The following EPB41L5 variants were observed in gnomAD, a reference collection of about 807,000 sequenced individuals.
EPB41L5 encodes the protein band 4.1-like protein 5.
EPB41L5 carries 55 observed loss-of-function variants against 106.6 expected under a neutral mutation model. The ratio of observed to expected loss-of-function variants is 0.52; its 90% confidence interval spans 0.42 to 0.65. The LOEUF (loss-of-function observed/expected upper bound fraction) is 0.65. Among genes scored for constraint, EPB41L5 ranks in the 30% least tolerant of loss-of-function variants. The pLI is 0.00. For missense variants in EPB41L5, 871 were observed against 882.1 expected (o/e 0.99, Z 0.16); for synonymous variants, 297 against 306.7 (o/e 0.97, Z 0.33).
intron 20 of EPB41L5, among the ~76,000 whole-genome samples, chr2:120,150,151 C>T (rs1472599504): frequency 6.6e-6 from 1 of 152,092 alleles, no homozygotes; most frequent in African/African-American, 2.4e-5. Flanking sequence ...CCCATCCCAG[C>T]CTTCCAAAGT....
intron 2 of EPB41L5, among the ~76,000 whole-genome samples, chr2:120,031,643 A>G (rs1678716424): frequency 6.6e-6 from 1 of 152,200 alleles, no homozygotes; most frequent in Non-Finnish European, 1.5e-5. Flanking sequence ...AAGATCTCAC[A>G]TCCATATTCT....
intron 16 of EPB41L5, chr2:120,103,999 A>G (rs1406179774): frequency 1.2e-5 from 17 of 1,450,472 alleles, no homozygotes; most frequent in South Asian, 1.5e-5. Context: ...TCTCTTACAC[A>G]TCCATTTTCT....
At chr2:120,164,373 C>T (rs892774451) in intron 21 of EPB41L5, among the ~76,000 whole-genome samples, 2 of 151,890 alleles carry the variant, frequency 1.3e-5, no homozygotes, top group Non-Finnish European at 2.9e-5. Context: ...TGCTACTGTG[C>T]CCAGCTTAGC....
Position 120,074,190 on chromosome 2 carries a change from A to G in EPB41L5, c.407+12A>G, listed in dbSNP as rs369082871. On this transcript the variant is annotated intron_variant, in intron 5 of 24. Transcript: ENST00000263713. Reference sequence around the variant, plus strand: ...GAGGAGCTAACCCGGTAAGAACACCATCTAGAATTGTGCCAGGGTTATTTT... The same window carrying G: ...GAGGAGCTAACCCGGTAAGAACACCGTCTAGAATTGTGCCAGGGTTATTTT... 63 of 1,593,644 alleles carry G rather than the reference A, an allele frequency of 4.0e-5. No individual in the cohort carries two copies. The highest frequency in any genetic ancestry group is 4.7e-5 in the Non-Finnish European group (55 of 1,164,954).
At chr2:120,070,075 T>C (rs1357080848) in intron 3 of EPB41L5, among the ~76,000 whole-genome samples, 4 of 152,196 alleles carry the variant, frequency 2.6e-5, no homozygotes, top group South Asian at 2.1e-4. Flanking sequence ...ACAAAATAGA[T>C]AGACCACTAG....
At chr2:120,172,253 G>T (rs1003676219) in intron 24 of EPB41L5, among the ~76,000 whole-genome samples, 5 of 152,130 alleles carry the variant, frequency 3.3e-5, no homozygotes, top group Non-Finnish European at 7.3e-5. Context: ...GGAATCAAGC[G>T]TTCTCAGAAC....
intron 17 of EPB41L5, 43 bp from the exon 18 acceptor site, chr2:120,131,575 C>T (rs778699005): frequency 1.6e-5 from 23 of 1,419,286 alleles, no homozygotes; most frequent in East Asian, 4.5e-5. Flanking sequence ...GCTGTGACAG[C>T]CTGGCAGACT....
intron 2 of EPB41L5, among the ~76,000 whole-genome samples, chr2:120,026,744 A>C (rs926194899): frequency 6.6e-6 from 1 of 152,232 alleles, no homozygotes; most frequent in Non-Finnish European, 1.5e-5. Context: ...ACTTCATCAA[A>C]ATGAAAAATT....
chr2:120,032,570 A>G (rs963457639), intron 2 of EPB41L5, among the ~76,000 whole-genome samples: 1 of 152,182 alleles, frequency 6.6e-6, no homozygotes, highest in Non-Finnish European at 1.5e-5. Flanking sequence ...ATCACAGTCC[A>G]TTGGCAGCTT....
rs77526133 is a variant in EPB41L5, at chr2:120,044,617, A to T, written c.285+2507A>T. ...TATTTAAGTAACTGTGGAAAGAAAC[A>T]TGCAGTCATTACTAAGTTGTATTAT... is the stretch of plus-strand genomic sequence containing the variant. On this transcript the variant is annotated intron_variant, in intron 3 of 24. Transcript: ENST00000263713. Among the ~76,000 whole-genome samples the T allele has an allele frequency of 0.012, 1,776 of 152,346 alleles. 70 individuals carry two copies. The East Asian group carries it at 0.12, about 10-fold the overall frequency.
At chr2:120,122,929 GT>G (rs909867329) in intron 16 of EPB41L5, among the ~76,000 whole-genome samples, 6 of 152,224 alleles carry the variant, frequency 3.9e-5, no homozygotes, top group Admixed American at 2.0e-4. Flanking sequence ...TGAAGCAATT[GT>G]GAATGGGAGT....
In EPB41L5 at chr2:120,075,729, C is replaced by A. The variant is rs1340041325; in HGVS notation, c.481C>A (p.Gln161Lys). The A allele has an allele frequency of 6.2e-7, 1 of 1,613,474 alleles. No homozygotes were observed. The highest frequency in any genetic ancestry group is 8.5e-7 in the Non-Finnish European group (1 of 1,179,600). Residue 161 changes from glutamine (Q) to lysine (K), a missense_variant, in exon 7 of 25, where the codon CAA (glutamine) becomes AAA (lysine). Physicochemically the swap from Gln to Lys is moderately conservative, Grantham distance 53. Coordinates refer to ENST00000263713, the MANE Select transcript of EPB41L5 (RefSeq NM_020909.4). The stretch of plus-strand genomic sequence containing the variant: ...AGACTGTCCCTTTGATACAGCAGTG[C>A]AATTGGCAGCTTATAATCTGCAAGG... Reference protein sequence around the residue: ...KLDCPFDTAVQLAAYNLQAEL... With the variant: ...KLDCPFDTAVKLAAYNLQAEL...
chr2:120,113,328 A>G (rs1011297817), intron 16 of EPB41L5, among the ~76,000 whole-genome samples: 3 of 152,234 alleles, frequency 2.0e-5, no homozygotes, highest in African/African-American at 4.8e-5. Flanking sequence ...TTTCTTAGCT[A>G]TCATTCACAA....
At chr2:120,047,247 T>C (rs149332782) in intron 3 of EPB41L5, among the ~76,000 whole-genome samples, 9,224 of 152,282 alleles carry the variant, frequency 0.061, 369 homozygotes, top group African/African-American at 0.11. Flanking sequence ...TAAATTGCCT[T>C]GGGCAGTATG....
chr2:120,020,250 T>C (rs1677832056), intron 2 of EPB41L5, among the ~76,000 whole-genome samples: 1 of 152,228 alleles, frequency 6.6e-6, no homozygotes, highest in Admixed American at 6.5e-5. Context: ...GGCAAAGTGA[T>C]AGCCTACGTG....
At chr2:120,156,796 C>G (rs1199145101) in intron 20 of EPB41L5, among the ~76,000 whole-genome samples, 1 of 152,206 alleles carries the variant, frequency 6.6e-6, no homozygotes, top group Non-Finnish European at 1.5e-5. Context: ...AAAGCAAGTT[C>G]TTAGAGACCT....
At chr2:120,048,287 C>T (rs1472662507) in intron 3 of EPB41L5, among the ~76,000 whole-genome samples, 1 of 152,112 alleles carries the variant, frequency 6.6e-6, no homozygotes, top group African/African-American at 2.4e-5. Context: ...TCCGTCTGGT[C>T]CTGGGCTTTT....
In EPB41L5 at chr2:120,087,218, T is replaced by G; in HGVS notation, c.851T>G (p.Val284Gly). 6.3e-7 allele frequency: 1 copy of G among 1,584,068 alleles called. No homozygotes were observed. Among genetic ancestry groups the G allele is most frequent in the Non-Finnish European group, 8.7e-7 (1 of 1,153,786 alleles). ...TTTAAGAAGAATAAATTAACCTTGG[T>G]GGTTGTAGAAGATGATGATCAGGTA... ...LDFKKNKLTL[V>G]VVEDDDQGKE... Residue 284 changes from valine to glycine, a missense_variant, in exon 11 of 25, where the codon GTG becomes GGG. Physicochemically the swap from Val to Gly is moderately radical, Grantham distance 109. Transcript: ENST00000263713.
chr2:120,164,141 C>T (rs1030177511), intron 21 of EPB41L5, among the ~76,000 whole-genome samples: 92 of 151,680 alleles, frequency 6.1e-4, no homozygotes, highest in Non-Finnish European at 7.7e-4. Flanking sequence ...CGCAACCACG[C>T]CCAGCTAATT....
Sources: gnomAD v4.1 joint callset for allele counts (sites outside exome capture counted in the v4.1 genomes callset) on GRCh38, gnomAD v4.1.1 for gene constraint, MANE v1.5 for transcripts, NCBI Gene and HGNC (gene_info 2026-07-23, HGNC 2026-07-21) for gene names.